Variants in OSBPL10 observed in about 807,000 individuals in gnomAD.
OSBPL10 encodes oxysterol-binding protein-related protein 10.
A neutral mutation model predicts 81.7 loss-of-function variants in OSBPL10; 49 were observed. That is an observed-to-expected ratio of 0.60 (90% CI 0.48 to 0.76). The LOEUF (loss-of-function observed/expected upper bound fraction) is 0.76. OSBPL10 is among the 30% of genes least tolerant of loss of function. The pLI is 0.00. For synonymous variants in OSBPL10, 419 were observed against 383.6 expected, an observed-to-expected ratio of 1.09 and a Z score of -1.08; for missense variants, 923 against 987.8, an observed-to-expected ratio of 0.93 and a Z score of 0.88.
chr3:31,740,680 T>C (rs930503650), intron 5 of OSBPL10, among the ~76,000 whole-genome samples: 2 of 151,818 alleles, frequency 1.3e-5, no homozygotes, highest in Non-Finnish European at 2.9e-5. Flanking sequence ...GGCAGGAGGA[T>C]TGGTTGAGCC....
intron 4 of OSBPL10, among the ~76,000 whole-genome samples, chr3:31,791,714 T>A (rs1359994114): frequency 6.6e-6 from 1 of 152,000 alleles, no homozygotes; most frequent in Non-Finnish European, 1.5e-5. Context: ...ATGAAAATCA[T>A]ATCTTTATGC....
chr3:31,667,247 G>A (rs1346103032), intron 10 of OSBPL10, among the ~76,000 whole-genome samples: 2 of 152,316 alleles, frequency 1.3e-5, no homozygotes, highest in Admixed American at 6.5e-5. Flanking sequence ...CTTCCTTATC[G>A]CAGCCTTTCC....
chr3:31,808,000 G>A (rs1329837505), intron 4 of OSBPL10, among the ~76,000 whole-genome samples: 1 of 152,118 alleles, frequency 6.6e-6, no homozygotes, highest in Non-Finnish European at 1.5e-5. Flanking sequence ...GAGAATTCAG[G>A]GGAAAAGAGT....
intron 4 of OSBPL10, among the ~76,000 whole-genome samples, chr3:31,769,445 C>CAAAAA (rs1213069221): frequency 3.7e-4 from 4 of 10,830 alleles, no homozygotes; most frequent in Non-Finnish European, 1.0e-3. Flanking sequence ...AACTCCATCT[C>CAAAAA]AAAAAAAAAA....
chr3:32,009,385 C>G lies in OSBPL10; in HGVS notation n.298+37106G>C, dbSNP rs148593953. On this transcript the variant is annotated intron_variant and non_coding_transcript_variant, in intron 2 of 3. Transcript: ENST00000479173. ...CACGCATGAGTCTTCAAATCCATGTCCACATCAGGCTTTGTCTCTCACTAG... is the reference window on the plus strand; with the variant it reads ...CACGCATGAGTCTTCAAATCCATGTGCACATCAGGCTTTGTCTCTCACTAG... Among the ~76,000 whole-genome samples, 66 of 152,322 alleles carry G rather than the reference C, an allele frequency of 4.3e-4. No individual in the cohort carries two copies. In the South Asian group the frequency reaches 9.7e-3, roughly 22 times the overall value.
intron 1 of OSBPL10, among the ~76,000 whole-genome samples, chr3:31,908,524 C>A (rs1405121770): frequency 6.6e-6 from 1 of 152,140 alleles, no homozygotes; most frequent in Non-Finnish European, 1.5e-5. Flanking sequence ...GATCTAGAGG[C>A]AAGATGGCCA....
chr3:32,005,796 C>G (rs1699200481), intron 2 of OSBPL10, among the ~76,000 whole-genome samples: 2 of 152,002 alleles, frequency 1.3e-5, no homozygotes, highest in South Asian at 4.1e-4. Context: ...ACCGTGTTAG[C>G]CGCATGGTCT....
chr3:32,030,491 C>CT (rs1699457756), intron 2 of OSBPL10: 1 of 707,610 alleles, frequency 1.4e-6, no homozygotes, highest in African/African-American at 1.8e-5. Context: ...ATTAAGCACT[C>CT]TAAGGGCTGA....
chr3:31,770,843 T>C (rs1290888702), intron 4 of OSBPL10, among the ~76,000 whole-genome samples: 1 of 152,106 alleles, frequency 6.6e-6, no homozygotes, highest in Non-Finnish European at 1.5e-5. Flanking sequence ...TAACAATACA[T>C]AATAAAATAC....
intron 4 of OSBPL10, among the ~76,000 whole-genome samples, chr3:31,749,971 A>C (rs1053688783): frequency 6.6e-6 from 1 of 152,124 alleles, no homozygotes; most frequent in Non-Finnish European, 1.5e-5. Flanking sequence ...ACTTGAGGTC[A>C]GGAGTTCGAA....
intron 4 of OSBPL10, among the ~76,000 whole-genome samples, chr3:31,814,132 A>G (rs1699774914): frequency 6.6e-6 from 1 of 152,174 alleles, no homozygotes; most frequent in South Asian, 2.1e-4. Flanking sequence ...GTGCCTGACA[A>G]GCTCCAACAA....
intron 3 of OSBPL10, among the ~76,000 whole-genome samples, chr3:31,876,074 G>A (rs755977230): frequency 1.8e-4 from 27 of 151,956 alleles, no homozygotes; most frequent in Middle Eastern, 6.8e-3. Flanking sequence ...TTTAAGGATC[G>A]GTGATGGCTA....
At chr3:31,882,628 G>A (rs1045394892) in intron 1 of OSBPL10, among the ~76,000 whole-genome samples, 1 of 152,136 alleles carries the variant, frequency 6.6e-6, no homozygotes, top group African/African-American at 2.4e-5. Context: ...GTGGCTTTTT[G>A]AGCTTTAGCC....
At chr3:31,941,179 A>T (rs1697526983) in intron 1 of OSBPL10, among the ~76,000 whole-genome samples, 4 of 152,216 alleles carry the variant, frequency 2.6e-5, no homozygotes, top group African/African-American at 9.6e-5. Context: ...TGAAAGAATA[A>T]AAGGTCAGTA....
intron 2 of OSBPL10, chr3:32,030,402 G>A: frequency 1.6e-6 from 1 of 636,136 alleles, no homozygotes; most frequent in East Asian, 3.2e-5. Context: ...ATGTGACCCA[G>A]CATGCTGCTG....
chr3:32,011,328 CAG>C (rs1559548974), intron 2 of OSBPL10, among the ~76,000 whole-genome samples: 1 of 152,226 alleles, frequency 6.6e-6, no homozygotes, highest in Non-Finnish European at 1.5e-5. Flanking sequence ...CCCAGGCAAA[CAG>C]GGTCTGGAGT....
intron 1 of OSBPL10, among the ~76,000 whole-genome samples, chr3:31,949,105 A>C (rs1697787129): frequency 6.6e-6 from 1 of 152,206 alleles, no homozygotes; most frequent in Admixed American, 6.5e-5. Context: ...AGCTTCTAAC[A>C]ATACTAAGGG....
intron 2 of OSBPL10, chr3:31,990,356 A>G (rs371606270): frequency 6.2e-7 from 1 of 1,614,138 alleles, no homozygotes; most frequent in Non-Finnish European, 8.5e-7. Context: ...GAGAGATCTT[A>G]CAAGTGTAAT....
chr3:31,852,395 AACT>A (rs1700792578), intron 3 of OSBPL10, among the ~76,000 whole-genome samples: 1 of 152,162 alleles, frequency 6.6e-6, no homozygotes, highest in African/African-American at 2.4e-5. Flanking sequence ...GCTTCACAAC[AACT>A]ATTATCCAGC....
Sources: allele counts gnomAD v4.1 joint callset (sites outside exome capture counted in the v4.1 genomes callset), GRCh38; gene constraint gnomAD v4.1.1; transcripts MANE v1.5; gene names NCBI Gene and HGNC (gene_info 2026-07-23, HGNC 2026-07-21).